CALD1: variants seen among roughly 807,000 people sequenced by gnomAD.
CALD1 encodes the protein caldesmon.
In CALD1, 33 loss-of-function variants were observed where a neutral mutation model predicts 99.9. The observed-to-expected ratio is 0.33, with a 90% CI of 0.25 to 0.44. The LOEUF is 0.44. Ranked by LOEUF, CALD1 falls within the 20% of genes least tolerant of loss-of-function variation. CALD1 has a pLI of 1.00. For synonymous variants in CALD1, 310 were observed against 325.0 expected, an observed-to-expected ratio of 0.95 and a Z score of 0.50; for missense variants, 861 against 962.1, an observed-to-expected ratio of 0.89 and a Z score of 1.39.
At chr7:134,891,327 A>G in intron 3 of CALD1, 1 of 1,140,326 alleles carries the variant, frequency 8.8e-7, no homozygotes. Flanking sequence ...TGATCGCTAA[A>G]CATGATGGGC....
intron 1 of CALD1, among the ~76,000 whole-genome samples, chr7:134,791,770 C>T (rs140575285): frequency 1.2e-4 from 18 of 152,234 alleles, no homozygotes; most frequent in African/African-American, 2.4e-4. Flanking sequence ...TAGGCATACC[C>T]GAGACTGGGT....
the CALD1 span, among the ~76,000 whole-genome samples, chr7:134,713,197 T>C: frequency 6.6e-6 from 1 of 152,234 alleles, no homozygotes; most frequent in Admixed American, 6.5e-5. Context: ...CTAGACACCC[T>C]GTGGACACCC....
rs1429663598 is a variant in CALD1, at chr7:134,934,069, A to C, written c.1300A>C (p.Lys434Gln). 6.2e-7 allele frequency: 1 copy of C among 1,607,550 alleles called. No individual in the cohort carries two copies. Among genetic ancestry groups the C allele is most frequent in the Non-Finnish European group, 8.5e-7 (1 of 1,178,054 alleles). ...QEDKLQTAVL[K>Q]KQGEEKGTKV... ...AGATAAACTTCAGACAGCTGTCCTAAAGAAACAGGTACAGTAAACATTTTG... is the reference window on the plus strand; with the variant it reads ...AGATAAACTTCAGACAGCTGTCCTACAGAAACAGGTACAGTAAACATTTTG... The change falls in exon 5 of 15, where the codon AAG (lysine) becomes CAG (glutamine). Residue 434 changes from lysine (K) to glutamine (Q), a missense_variant. This residue lies in a region of CALD1 where 293 missense variants were observed against 262.7 expected (regional missense o/e 1.12). Transcript: ENST00000361675.
At chr7:134,790,583 C>T (rs1485683360) in intron 1 of CALD1, among the ~76,000 whole-genome samples, 1 of 152,122 alleles carries the variant, frequency 6.6e-6, no homozygotes, top group Non-Finnish European at 1.5e-5. Flanking sequence ...CATTCCCTGC[C>T]ATATAAGGAA....
At chr7:134,818,004 ACTCT>A (rs1168106255) in intron 1 of CALD1, among the ~76,000 whole-genome samples, 3 of 152,018 alleles carry the variant, frequency 2.0e-5, no homozygotes, top group Non-Finnish European at 4.4e-5. Context: ...AAAAGAGTTT[ACTCT>A]TTTTCTTTAT....
intron 2 of CALD1, among the ~76,000 whole-genome samples, chr7:134,862,497 A>G (rs1012670598): frequency 6.6e-6 from 1 of 152,186 alleles, no homozygotes; most frequent in Non-Finnish European, 1.5e-5. Context: ...GATTCCAACT[A>G]TATGATATTC....
intron 3 of CALD1, among the ~76,000 whole-genome samples, chr7:134,887,778 G>A (rs906277233): frequency 2.7e-5 from 4 of 150,030 alleles, no homozygotes; most frequent in African/African-American, 1.0e-4. Context: ...GTGTGTATGT[G>A]TGTGCATGTG....
At chr7:134,918,880 C>T (rs1050327406) in intron 3 of CALD1, among the ~76,000 whole-genome samples, 11 of 152,142 alleles carry the variant, frequency 7.2e-5, no homozygotes, top group African/African-American at 2.4e-4. Context: ...CCTGTAGTCC[C>T]AGCTACTCAG....
At chr7:134,831,764 G>C (rs1399443742) in intron 1 of CALD1, among the ~76,000 whole-genome samples, 3 of 152,112 alleles carry the variant, frequency 2.0e-5, no homozygotes, top group Non-Finnish European at 4.4e-5. Context: ...AGTTATCTGC[G>C]AGTTACCGGC....
chr7:134,840,099 C>T (rs369480348), intron 1 of CALD1, among the ~76,000 whole-genome samples: 43 of 152,078 alleles, frequency 2.8e-4, no homozygotes, highest in African/African-American at 1.0e-3. Flanking sequence ...ATTTTTATGT[C>T]CCATTTACAA....
At chr7:134,893,500 A>G (rs1304583428) in intron 3 of CALD1, among the ~76,000 whole-genome samples, 1 of 152,218 alleles carries the variant, frequency 6.6e-6, no homozygotes, top group Non-Finnish European at 1.5e-5. Context: ...TGTAAAAACT[A>G]TAGGAGTACC....
intron 5 of CALD1, 107 bp from the exon 6 acceptor site, chr7:134,935,581 G>A (rs1033900714): frequency 6.7e-7 from 1 of 1,496,088 alleles, no homozygotes; most frequent in Admixed American, 2.7e-5. Flanking sequence ...CAGAAGAGAA[G>A]CCATCCCACG....
At position 134,907,445 on chromosome 7, in the gene CALD1, C is replaced by T. The variant is rs182071631; in HGVS notation, c.72-21309C>T. On this transcript the variant is annotated intron_variant, in intron 3 of 14. Coordinates refer to ENST00000361675, the MANE Select transcript of CALD1 (RefSeq NM_033138.4). ...AAAAAGAAAAAAAAAAAGCACATTA[C>T]AACTCTATGTTCAGGTGTCTGTCCC... is the stretch of plus-strand genomic sequence containing the variant. Among the ~76,000 whole-genome samples the T allele has an allele frequency of 2.8e-3, 430 of 151,898 alleles. 3 individuals carry two copies. The highest frequency in any genetic ancestry group is 1.8e-3 in the Non-Finnish European group (119 of 67,946).
At chr7:134,869,730 C>T (rs1800974512) in intron 3 of CALD1, among the ~76,000 whole-genome samples, 2 of 152,132 alleles carry the variant, frequency 1.3e-5, no homozygotes, top group African/African-American at 4.8e-5. Flanking sequence ...GGAAATTTCA[C>T]TCTTTGTTCA....
chr7:134,867,583 G>A, intron 2 of CALD1, 110 bp from the exon 3 acceptor site: 1 of 488,118 alleles, frequency 2.0e-6, no homozygotes, highest in Non-Finnish European at 3.7e-6. Context: ...AGCTTTCTAA[G>A]AGTAAAGAAA....
chr7:134,728,592 C>A, the CALD1 span, among the ~76,000 whole-genome samples: 1 of 152,186 alleles, frequency 6.6e-6, no homozygotes, highest in Non-Finnish European at 1.5e-5. Context: ...TTAGGCTAAA[C>A]CTGATTGAAC....
intron 3 of CALD1, among the ~76,000 whole-genome samples, chr7:134,893,293 C>T (rs1802336023): frequency 6.6e-6 from 1 of 152,146 alleles, no homozygotes; most frequent in Non-Finnish European, 1.5e-5. Context: ...CTACAGCCCC[C>T]ACCTATGAAG....
intron 1 of CALD1, among the ~76,000 whole-genome samples, chr7:134,797,009 G>T (rs532494116): frequency 6.6e-6 from 1 of 152,026 alleles, no homozygotes; most frequent in East Asian, 1.9e-4. Flanking sequence ...CTCTAATGTA[G>T]TAAGAATTTT....
the CALD1 span, among the ~76,000 whole-genome samples, chr7:134,734,457 T>C: frequency 1.3e-5 from 2 of 152,340 alleles, no homozygotes; most frequent in South Asian, 4.2e-4. Context: ...GACATGGCTA[T>C]CTGCGAAAAG....
Sources: gnomAD v4.1 joint callset for allele counts (sites outside exome capture counted in the v4.1 genomes callset) on GRCh38, gnomAD v4.1.1 for gene constraint, gnomAD v4.1.1 regional missense constraint, MANE v1.5 for transcripts, NCBI Gene and HGNC (gene_info 2026-07-23, HGNC 2026-07-21) for gene names.